The following COL25A1 variants were observed in gnomAD, a reference collection of about 807,000 sequenced individuals.
The protein encoded by COL25A1 is collagen alpha-1(XXV) chain.
A neutral mutation model predicts 128.4 loss-of-function variants in COL25A1; 103 were observed. The ratio of observed to expected loss-of-function variants is 0.80; its 90% CI spans 0.68 to 0.94. The LOEUF (loss-of-function observed/expected upper bound fraction) is 0.94, where lower values mean the gene tolerates loss of function less well. Among genes scored for constraint, COL25A1 ranks in the 40% least tolerant of loss-of-function variants. COL25A1 has a pLI of 0.00. For synonymous variants in COL25A1, 279 were observed against 277.2 expected (o/e 1.01, Z -0.06); for missense variants, 745 against 840.0 (o/e 0.89, Z 1.40).
intron 3 of COL25A1, among the ~76,000 whole-genome samples, chr4:109,296,074 A>G (rs1224785199): frequency 6.6e-6 from 1 of 152,040 alleles, no homozygotes; most frequent in African/African-American, 2.4e-5. Flanking sequence ...GAAAAGTAGA[A>G]GAATAAGCCA....
At chr4:108,937,963 T>C (rs2125924029) in intron 10 of COL25A1, 120 bp from the exon 11 acceptor site, 1 of 711,308 alleles carries the variant, frequency 1.4e-6, no homozygotes, top group Non-Finnish European at 2.3e-6. Flanking sequence ...TCAGGTTAAA[T>C]AGAGGAATGT....
chr4:109,204,620 C>G (rs1232060208), intron 3 of COL25A1, among the ~76,000 whole-genome samples: 1 of 152,112 alleles, frequency 6.6e-6, no homozygotes, highest in African/African-American at 2.4e-5. Context: ...CCATAAGGAA[C>G]TTTTGTTTTA....
At chr4:109,039,024 C>A (rs1023030464) in intron 5 of COL25A1, among the ~76,000 whole-genome samples, 3 of 152,160 alleles carry the variant, frequency 2.0e-5, no homozygotes, top group African/African-American at 4.8e-5. Context: ...ACTTCTATCT[C>A]CTCTTCATTC....
At chr4:108,878,684 A>G (rs1739744173) in intron 19 of COL25A1, among the ~76,000 whole-genome samples, 2 of 152,172 alleles carry the variant, frequency 1.3e-5, no homozygotes, top group South Asian at 4.1e-4. Flanking sequence ...ACTGATGAAA[A>G]TGAACTATAA....
At chr4:109,030,842 T>C (rs1758783461) in intron 5 of COL25A1, among the ~76,000 whole-genome samples, 1 of 152,102 alleles carries the variant, frequency 6.6e-6, no homozygotes, top group South Asian at 2.1e-4. Context: ...AACCTCCATC[T>C]CCTTGGCTCA....
chr4:109,254,671 AG>A (rs1157094281), intron 3 of COL25A1, among the ~76,000 whole-genome samples: 1 of 151,624 alleles, frequency 6.6e-6, no homozygotes, highest in Non-Finnish European at 1.5e-5. Context: ...CCTTGCATAT[AG>A]TAGATAGTAA....
chr4:109,012,052 G>A (rs1365749609), intron 5 of COL25A1, among the ~76,000 whole-genome samples: 1 of 152,216 alleles, frequency 6.6e-6, no homozygotes, highest in African/African-American at 2.4e-5. Context: ...TCACTCTGTT[G>A]CCCAGGCAGG....
chr4:108,957,127 A>T (rs1483973850), intron 8 of COL25A1, among the ~76,000 whole-genome samples: 1 of 152,194 alleles, frequency 6.6e-6, no homozygotes, highest in African/African-American at 2.4e-5. Flanking sequence ...TATCCCAAAC[A>T]CATTTATCCA....
rs1037344756 is a variant in COL25A1, at chr4:108,809,494, T to C, written c.*4433A>G. 1 of 150,828 alleles carries C rather than the reference T, an allele frequency of 6.6e-6. No homozygotes were observed. The highest frequency in any genetic ancestry group is 1.5e-5 in the Non-Finnish European group (1 of 67,610). 9.3% of individuals were successfully genotyped at this position (150,828 alleles called of 1,614,324 possible). A position where few individuals can be genotyped will look rare whatever the true frequency, so the allele number is the denominator to read the frequency against. ...TTTTGAGAGATGTTGGTACTTTCTT[T>C]GTTAAGTTGTTAATAAATCACACAT... is the stretch of plus-strand genomic sequence containing the variant. On this transcript the variant is annotated 3_prime_UTR_variant, in exon 38 of 38. Coordinates refer to ENST00000399132, the MANE Select transcript of COL25A1 (RefSeq NM_198721.4).
intron 3 of COL25A1, among the ~76,000 whole-genome samples, chr4:109,238,082 T>C (rs1290377424): frequency 6.6e-6 from 1 of 152,110 alleles, no homozygotes; most frequent in Non-Finnish European, 1.5e-5. Flanking sequence ...CTTGTGTTGC[T>C]TCTACATTTT....
At chr4:108,997,758 T>G (rs1754918734) in intron 6 of COL25A1, among the ~76,000 whole-genome samples, 2 of 152,114 alleles carry the variant, frequency 1.3e-5, no homozygotes, top group South Asian at 4.1e-4. Flanking sequence ...TAGCAGCACC[T>G]CAAAAAGCTT....
chr4:109,137,982 A>ATGTGTGTGTGTGTGTGTGTGTG (rs1418865784), intron 3 of COL25A1, among the ~76,000 whole-genome samples: 1 of 60,760 alleles, frequency 1.6e-5, no homozygotes, highest in Admixed American at 1.7e-4. Context: ...TTTTATATAT[A>ATGTGTGTGTGTGTGTGTGTGTG]TATGTGTGTG....
intron 29 of COL25A1, 116 bp from the exon 30 acceptor site, chr4:108,844,685 T>G: frequency 1.9e-5 from 25 of 1,339,524 alleles, no homozygotes; most frequent in Non-Finnish European, 2.3e-5. Flanking sequence ...GGAAGAAAGA[T>G]ACTAGAATAA....
intron 3 of COL25A1, among the ~76,000 whole-genome samples, chr4:109,294,985 G>A (rs922909922): frequency 3.3e-5 from 5 of 151,988 alleles, no homozygotes; most frequent in Non-Finnish European, 7.4e-5. Flanking sequence ...ACATCATGTA[G>A]TTGATTTTGC....
At chr4:109,060,355 G>A (rs183774536) in intron 3 of COL25A1, among the ~76,000 whole-genome samples, 17 of 152,154 alleles carry the variant, frequency 1.1e-4, no homozygotes, top group East Asian at 9.7e-4. Context: ...TTCCCAAAGC[G>A]ACCTGTCTCT....
chr4:109,185,632 C>T (rs1379908102), intron 3 of COL25A1, among the ~76,000 whole-genome samples: 1 of 152,180 alleles, frequency 6.6e-6, no homozygotes, highest in Non-Finnish European at 1.5e-5. Context: ...AAATCCCTAA[C>T]CCCCAGTGTG....
intron 3 of COL25A1, among the ~76,000 whole-genome samples, chr4:109,091,916 T>C (rs946477824): frequency 7.2e-5 from 11 of 152,134 alleles, no homozygotes; most frequent in Non-Finnish European, 1.5e-4. Context: ...GCCAGCGCTG[T>C]ATGCCTCAGA....
chr4:109,215,969 G>A (rs548852539), intron 3 of COL25A1, among the ~76,000 whole-genome samples: 52 of 152,088 alleles, frequency 3.4e-4, no homozygotes, highest in Admixed American at 5.2e-4. Context: ...ATAGGTATGT[G>A]TAGCAGGGCA....
intron 3 of COL25A1, among the ~76,000 whole-genome samples, chr4:109,168,997 A>T (rs1375610529): frequency 6.6e-6 from 1 of 152,074 alleles, no homozygotes; most frequent in Non-Finnish European, 1.5e-5. Context: ...CCTCCACACT[A>T]TGCAGAAAAT....
Sources: gnomAD v4.1 joint callset for allele counts (sites outside exome capture counted in the v4.1 genomes callset) on GRCh38, gnomAD v4.1.1 for gene constraint, MANE v1.5 for transcripts, NCBI Gene and HGNC (gene_info 2026-07-23, HGNC 2026-07-21) for gene names.